The following CDH13 variants were observed in gnomAD, a reference collection of about 807,000 sequenced individuals.
The protein encoded by CDH13 is cadherin 13.
CDH13 carries 24 observed loss-of-function variants against 63.8 expected under a neutral mutation model. The observed-to-expected ratio is 0.38, with a 90% CI of 0.27 to 0.53. CDH13 has a LOEUF of 0.53. Among genes scored for constraint, CDH13 ranks in the 20% least tolerant of loss-of-function variants. The pLI is 0.85. For synonymous variants in CDH13, 503 were observed against 355.3 expected (o/e 1.42, Z -4.67); for missense variants, 1,049 against 903.1 (o/e 1.16, Z -2.07).
At chr16:83,650,584 G>T (rs1165951444) in intron 8 of CDH13, among the ~76,000 whole-genome samples, 1 of 152,128 alleles carries the variant, frequency 6.6e-6, no homozygotes, top group African/African-American at 2.4e-5. Flanking sequence ...AACAATGTCT[G>T]AACACATTTT....
intron 4 of CDH13, among the ~76,000 whole-genome samples, chr16:83,184,474 G>A (rs901003114): frequency 1.3e-5 from 2 of 152,138 alleles, no homozygotes; most frequent in African/African-American, 4.8e-5. Flanking sequence ...GAGGCCAGGG[G>A]CAGGGTGCGG....
chr16:83,580,869 G>C (rs1038063654), intron 7 of CDH13, among the ~76,000 whole-genome samples: 1 of 152,114 alleles, frequency 6.6e-6, no homozygotes. Context: ...GGAGTTAATT[G>C]TAAGTAGAAA....
chr16:82,705,188 C>G (rs1429993992), intron 1 of CDH13: 2 of 455,714 alleles, frequency 4.4e-6, no homozygotes, highest in East Asian at 1.4e-4. Flanking sequence ...GCTTCCAGGA[C>G]TATTATTTCA....
chr16:83,142,256 G>T (rs1472272592), intron 4 of CDH13, among the ~76,000 whole-genome samples: 2 of 151,258 alleles, frequency 1.3e-5, no homozygotes, highest in African/African-American at 4.9e-5. Flanking sequence ...CGCCTTCTGG[G>T]TTCCAGCCAT....
At chr16:82,645,811 T>C (rs1910024964) in intron 1 of CDH13, among the ~76,000 whole-genome samples, 1 of 152,208 alleles carries the variant, frequency 6.6e-6, no homozygotes, top group African/African-American at 2.4e-5. Flanking sequence ...ACTCATTAAT[T>C]TATGAAGAAA....
At chr16:83,053,735 G>A (rs982019750) in intron 3 of CDH13, among the ~76,000 whole-genome samples, 3 of 152,036 alleles carry the variant, frequency 2.0e-5, no homozygotes, top group African/African-American at 4.8e-5. Context: ...GATAAAGAAC[G>A]CTATATCATA....
chr16:83,046,406 C>G (rs1239847968), intron 3 of CDH13, among the ~76,000 whole-genome samples: 1 of 152,006 alleles, frequency 6.6e-6, no homozygotes, highest in Non-Finnish European at 1.5e-5. Flanking sequence ...ATTTTTCTTT[C>G]TCTATCACAC....
chr16:82,660,273 G>A (rs193042830), intron 1 of CDH13, among the ~76,000 whole-genome samples: 3 of 152,234 alleles, frequency 2.0e-5, no homozygotes, highest in Non-Finnish European at 4.4e-5. Context: ...TCAGGCAGAT[G>A]CAAGTAAAAT....
At chr16:83,544,529 T>C (rs538941215) in intron 7 of CDH13, among the ~76,000 whole-genome samples, 149 of 152,294 alleles carry the variant, frequency 9.8e-4, no homozygotes, top group African/African-American at 3.4e-3. Flanking sequence ...ATAAATTACA[T>C]GAGATGTTTA....
chr16:83,592,748 C>T (rs1906881371), intron 7 of CDH13, among the ~76,000 whole-genome samples: 2 of 152,062 alleles, frequency 1.3e-5, no homozygotes, highest in African/African-American at 2.4e-5. Context: ...TTCTCCTTGC[C>T]CACCAGCCCC....
chr16:83,256,608 A>G (rs1312494812), intron 5 of CDH13, among the ~76,000 whole-genome samples: 5 of 150,250 alleles, frequency 3.3e-5, no homozygotes, highest in East Asian at 2.0e-4. Flanking sequence ...GAGGCGGGCG[A>G]ATCACGAGGT....
intron 5 of CDH13, among the ~76,000 whole-genome samples, chr16:83,219,799 G>T (rs1364339679): frequency 6.6e-6 from 1 of 152,192 alleles, no homozygotes; most frequent in Non-Finnish European, 1.5e-5. Flanking sequence ...CACGCTTCAA[G>T]GTGTTCGGAG....
At chr16:83,014,828 T>TGTATATATA (rs1914583199) in intron 2 of CDH13, among the ~76,000 whole-genome samples, 1 of 87,814 alleles carries the variant, frequency 1.1e-5, no homozygotes, top group Non-Finnish European at 2.1e-5. Flanking sequence ...ATATATATAT[T>TGTATATATA]TGTATATATA....
chr16:83,447,517 C>G (rs974173785), intron 6 of CDH13, among the ~76,000 whole-genome samples: 3 of 152,030 alleles, frequency 2.0e-5, no homozygotes, highest in Admixed American at 6.6e-5. Context: ...TTGCCCTCAC[C>G]CAAAGAGCAG....
intron 5 of CDH13, among the ~76,000 whole-genome samples, chr16:83,341,989 CCACA>C (rs756844839): frequency 0.032 from 4,454 of 138,076 alleles, 98 homozygotes; most frequent in African/African-American, 0.062. Flanking sequence ...GTGTCCCCTG[CCACA>C]CACACACACA....
At chr16:83,550,387 G>A (rs1359781834) in intron 7 of CDH13, among the ~76,000 whole-genome samples, 2 of 152,362 alleles carry the variant, frequency 1.3e-5, no homozygotes, top group South Asian at 2.1e-4. Flanking sequence ...TAATCCTCCT[G>A]TGAGGAGTGA....
chr16:83,438,296 A>G (rs950315691), intron 6 of CDH13, among the ~76,000 whole-genome samples: 1 of 152,218 alleles, frequency 6.6e-6, no homozygotes, highest in African/African-American at 2.4e-5. Context: ...GCTCATGGAC[A>G]TTTTGGATCA....
At chr16:83,057,979 T>A (rs1054003280) in intron 3 of CDH13, among the ~76,000 whole-genome samples, 2 of 152,062 alleles carry the variant, frequency 1.3e-5, no homozygotes, top group Non-Finnish European at 2.9e-5. Flanking sequence ...TTTAAAAAAA[T>A]AAAATAAAAC....
intron 1 of CDH13, among the ~76,000 whole-genome samples, chr16:82,684,025 C>T (rs1017372821): frequency 6.6e-6 from 1 of 152,192 alleles, no homozygotes; most frequent in Non-Finnish European, 1.5e-5. Context: ...CGCCTGTCTA[C>T]CCCTTCCCAA....
Sources: gnomAD v4.1 joint callset for allele counts (sites outside exome capture counted in the v4.1 genomes callset) on GRCh38, gnomAD v4.1.1 for gene constraint, MANE v1.5 for transcripts, NCBI Gene and HGNC (gene_info 2026-07-23, HGNC 2026-07-21) for gene names.